CFAP77: variants seen among roughly 807,000 people sequenced by gnomAD.
The protein encoded by CFAP77 is cilia- and flagella-associated protein 77.
In CFAP77, 25 loss-of-function variants were observed where a neutral mutation model predicts 31.1. The observed-to-expected ratio is 0.80, with a 90% CI of 0.59 to 1.12. The LOEUF (loss-of-function observed/expected upper bound fraction) is 1.12, where lower values mean the gene tolerates loss of function less well. Among genes scored for constraint, CFAP77 ranks in the 50% most tolerant of loss-of-function variants. CFAP77 has a pLI of 0.00. For synonymous variants in CFAP77, 151 were observed against 159.9 expected, an observed-to-expected ratio of 0.94 and a Z score of 0.42; for missense variants, 377 against 397.3, an observed-to-expected ratio of 0.95 and a Z score of 0.44.
intron 3 of CFAP77, among the ~76,000 whole-genome samples, chr9:132,516,923 C>A (rs867123438): frequency 1.6e-4 from 24 of 152,296 alleles, no homozygotes; most frequent in South Asian, 1.0e-3. Flanking sequence ...AGTAAACAGC[C>A]ATGGAAGTCA....
intron 5 of CFAP77, among the ~76,000 whole-genome samples, chr9:132,569,976 G>T (rs1364419924): frequency 6.6e-6 from 1 of 151,916 alleles, no homozygotes; most frequent in East Asian, 1.9e-4. Context: ...CAAGTGATCC[G>T]CCCACCTTGG....
intron 1 of CFAP77, among the ~76,000 whole-genome samples, chr9:132,491,363 A>G (rs1851651318): frequency 6.6e-6 from 1 of 152,172 alleles, no homozygotes; most frequent in Admixed American, 6.5e-5. Flanking sequence ...GCTACTCAGG[A>G]GGCTGAGGCA....
chr9:132,530,625 T>A (rs1852427658), intron 3 of CFAP77, among the ~76,000 whole-genome samples: 1 of 152,136 alleles, frequency 6.6e-6, no homozygotes, highest in Admixed American at 6.6e-5. Flanking sequence ...TGATTTGTTT[T>A]GTTTTACTGT....
At chr9:132,443,751 C>A (rs1850658738) in intron 1 of CFAP77, among the ~76,000 whole-genome samples, 1 of 152,190 alleles carries the variant, frequency 6.6e-6, no homozygotes, top group Non-Finnish European at 1.5e-5. Context: ...ACGCTATGGT[C>A]TGTAAGGCTA....
chr9:132,512,053 TA>T lies in CFAP77; in HGVS notation c.524+12466del, dbSNP rs34713343. Among the ~76,000 whole-genome samples, 532 of 142,496 alleles carry T rather than the reference TA, an allele frequency of 3.7e-3. 4 individuals carry two copies. The East Asian group carries it at 0.051, about 14-fold the overall frequency. 93.5% of individuals were successfully genotyped at this position (142,496 alleles called of 152,430 possible). On this transcript the variant is annotated intron_variant, in intron 3 of 5. Transcript: ENST00000393216. ...TGGGCAACAAAAGCAAAACTCTGTT[TA>T]AAAAAAAAAAAAGTAACAAAAATGG...
At chr9:132,534,602 C>T (rs1193598329) in intron 3 of CFAP77, among the ~76,000 whole-genome samples, 4 of 133,682 alleles carry the variant, frequency 3.0e-5, no homozygotes, top group Non-Finnish European at 1.5e-5. Context: ...CAGAGCGAGA[C>T]TCTGTCTCAA....
intron 4 of CFAP77, 80 bp downstream of exon 4, chr9:132,537,786 A>G: frequency 9.6e-7 from 1 of 1,039,804 alleles, no homozygotes; most frequent in Non-Finnish European, 1.5e-6. Context: ...AAGCATCGAG[A>G]TGACACTTGT....
At chr9:132,553,379 A>G (rs1852851313) in intron 5 of CFAP77, among the ~76,000 whole-genome samples, 1 of 152,114 alleles carries the variant, frequency 6.6e-6, no homozygotes, top group Admixed American at 6.6e-5. Flanking sequence ...AGGTGGGAGG[A>G]TCATTTGAGG....
intron 3 of CFAP77, among the ~76,000 whole-genome samples, chr9:132,500,368 T>G (rs540511701): frequency 6.6e-6 from 1 of 152,300 alleles, no homozygotes; most frequent in South Asian, 2.1e-4. Context: ...TTTCACCGTA[T>G]GCCGAGGTTT....
At chr9:132,519,642 AGATGGATGGATGGATG>A (rs1170866405) in intron 3 of CFAP77, among the ~76,000 whole-genome samples, 4 of 41,614 alleles carry the variant, frequency 9.6e-5, no homozygotes, top group African/African-American at 3.4e-4. Context: ...GTGGATGGGC[AGATGGATGGATGGATG>A]GATGGATGGA....
intron 5 of CFAP77, among the ~76,000 whole-genome samples, chr9:132,561,646 CACACACACACACACA>C (rs1404926894): frequency 2.8e-5 from 3 of 106,294 alleles, no homozygotes; most frequent in African/African-American, 2.2e-4. Flanking sequence ...CACACACACA[CACACACACACACACA>C]CCCCCTCCAT....
intron 3 of CFAP77, among the ~76,000 whole-genome samples, chr9:132,509,076 A>G (rs1283087945): frequency 1.3e-5 from 2 of 152,334 alleles, no homozygotes; most frequent in East Asian, 3.9e-4. Flanking sequence ...CAGTTACAGC[A>G]ATGAACGGCC....
In CFAP77 at chr9:132,540,172, C is replaced by T. The variant is rs369152987; in HGVS notation, c.630+2466C>T. Reference sequence around the variant, plus strand: ...CTTAAACTCCTAACCTCACGTGATCCACCCACCTCAGCCTCCCAAAGTTCT... The same window carrying T: ...CTTAAACTCCTAACCTCACGTGATCTACCCACCTCAGCCTCCCAAAGTTCT... On this transcript the variant is annotated intron_variant, in intron 4 of 5. Coordinates refer to ENST00000393216, the MANE Select transcript of CFAP77 (RefSeq NM_001282957.2). Among the ~76,000 whole-genome samples, 4 of 152,176 alleles carry T rather than the reference C, an allele frequency of 2.6e-5. No individual in the cohort carries two copies. The East Asian group carries it at 7.7e-4, about 29-fold the overall frequency.
intron 5 of CFAP77, among the ~76,000 whole-genome samples, chr9:132,563,768 T>C (rs1235891250): frequency 6.6e-6 from 1 of 152,230 alleles, no homozygotes; most frequent in Non-Finnish European, 1.5e-5. Context: ...CCGTTTCTCA[T>C]GTCAGACTCC....
At position 132,449,893 on chromosome 9, in the gene CFAP77, AGTTTTTTTGTTTGTTTGTTT is replaced by A. The variant is rs1039651950; in HGVS notation, c.195+39432_195+39451del. 2.1e-4 allele frequency among the ~76,000 whole-genome samples: 28 copies of A among 135,860 alleles called. No homozygotes were observed. In the Admixed American group the frequency reaches 2.1e-3, roughly 10 times the overall value. The allele number at this position is 135,860 out of a possible 152,430, so 89.1% of individuals were successfully genotyped here. Reference sequence around the variant, plus strand: ...GGTTGAATTTCCAGGGATGATTAAGAGTTTTTTTGTTTGTTTGTTTGTTTGTTTGTTTGTTTTGAGATGGA... The same window carrying A: ...GGTTGAATTTCCAGGGATGATTAAGAGTTTGTTTGTTTGTTTTGAGATGGA... On this transcript the variant is annotated intron_variant, in intron 1 of 5. Transcript: ENST00000393216.
chr9:132,433,735 A>T (rs1298152892), intron 1 of CFAP77, among the ~76,000 whole-genome samples: 1 of 151,712 alleles, frequency 6.6e-6, no homozygotes. Context: ...TTTAATAGAG[A>T]TGGGGTTTCA....
intron 5 of CFAP77, among the ~76,000 whole-genome samples, chr9:132,548,286 G>GGGGGGGGGGGCCCCCCCC (rs1564248910): frequency 1.6e-5 from 2 of 129,000 alleles, no homozygotes; most frequent in African/African-American, 2.9e-5. Flanking sequence ...GGGGGGTGGG[G>GGGGGGGGGGGCCCCCCCC]GGTGAAGCTG....
At chr9:132,452,760 C>T (rs1850848083) in intron 1 of CFAP77, among the ~76,000 whole-genome samples, 1 of 151,998 alleles carries the variant, frequency 6.6e-6, no homozygotes, top group Non-Finnish European at 1.5e-5. Context: ...AGATGGGGTG[C>T]CTCATGCAGC....
chr9:132,445,634 G>A (rs961148986), intron 1 of CFAP77, among the ~76,000 whole-genome samples: 1 of 152,192 alleles, frequency 6.6e-6, no homozygotes, highest in African/African-American at 2.4e-5. Flanking sequence ...TTAGGAGGCC[G>A]AGGCAGGCAG....
Sources: allele counts gnomAD v4.1 joint callset (sites outside exome capture counted in the v4.1 genomes callset), GRCh38; gene constraint gnomAD v4.1.1; transcripts MANE v1.5; gene names NCBI Gene and HGNC (gene_info 2026-07-23, HGNC 2026-07-21).